Variants in PON2 observed in about 807,000 individuals in gnomAD.
The protein encoded by PON2 is serum paraoxonase/arylesterase 2.
PON2 carries 27 observed loss-of-function variants against 36.6 expected under a neutral mutation model. That is an observed-to-expected ratio of 0.74 (90% confidence interval 0.54 to 1.02). PON2 has a LOEUF of 1.02. Among genes scored for constraint, PON2 ranks in the 50% least tolerant of loss-of-function variants. The pLI is 0.00. For missense variants in PON2, 363 were observed against 421.1 expected, an observed-to-expected ratio of 0.86 and a Z score of 1.21; for synonymous variants, 149 against 156.3, an observed-to-expected ratio of 0.95 and a Z score of 0.35.
In PON2 at chr7:95,434,854, G is replaced by A. The variant is rs189586932; in HGVS notation, c.74+24C>T. The A allele has an allele frequency of 2.9e-3, 4,392 of 1,537,106 alleles. 6 individuals are homozygous for A. The highest frequency in any genetic ancestry group is 3.4e-3 in the Non-Finnish European group (3,859 of 1,144,184). Reference sequence around the variant, plus strand: ...CCCCGAGCCTGGGGACCGCCGAGGAGGGGCGCGCGGGAGTCCCACCTACCT... The same window carrying A: ...CCCCGAGCCTGGGGACCGCCGAGGAAGGGCGCGCGGGAGTCCCACCTACCT... On this transcript the variant is annotated intron_variant, in intron 1 of 8. Coordinates refer to ENST00000222572, the MANE Select transcript of PON2 (RefSeq NM_000305.3).
intron 1 of PON2, among the ~76,000 whole-genome samples, chr7:95,428,591 CA>C (rs1789367502): frequency 6.6e-6 from 1 of 152,116 alleles, no homozygotes; most frequent in African/African-American, 2.4e-5. Flanking sequence ...ATTGCAACTT[CA>C]AAATATCTGC....
intron 3 of PON2, chr7:95,412,704 G>A (rs1269801422): frequency 2.0e-5 from 11 of 542,366 alleles, no homozygotes; most frequent in Non-Finnish European, 3.3e-5. Flanking sequence ...ATTCTCTTCA[G>A]AGAGTAATCA....
At chr7:95,406,047 G>T in intron 8 of PON2, 72 bp downstream of exon 8, 1 of 1,504,356 alleles carries the variant, frequency 6.6e-7, no homozygotes, top group Non-Finnish European at 9.2e-7. Flanking sequence ...AATCATCCCT[G>T]TGACAATTTA....
chr7:95,431,021 G>A (rs1789429273), intron 1 of PON2, among the ~76,000 whole-genome samples: 1 of 152,124 alleles, frequency 6.6e-6, no homozygotes, highest in South Asian at 2.1e-4. Flanking sequence ...GGGTACTCTG[G>A]GGGTTCCTGC....
intron 2 of PON2, chr7:95,418,088 A>G (rs187318513): frequency 6.6e-6 from 1 of 152,250 alleles, no homozygotes; most frequent in East Asian, 1.9e-4. Flanking sequence ...TCTTTGGAAT[A>G]TTTTCCAGAT....
At chr7:95,425,268 C>T (rs1789290361) in intron 1 of PON2, among the ~76,000 whole-genome samples, 1 of 152,156 alleles carries the variant, frequency 6.6e-6, no homozygotes, top group African/African-American at 2.4e-5. Context: ...GGTTGGAGAA[C>T]ACCAACTAGT....
intron 1 of PON2, among the ~76,000 whole-genome samples, chr7:95,431,018 C>G (rs1789429153): frequency 6.6e-6 from 1 of 152,086 alleles, no homozygotes; most frequent in African/African-American, 2.4e-5. Context: ...CATGGGTACT[C>G]TGGGGGTTCC....
At position 95,412,425 on chromosome 7, in the gene PON2, A is replaced by G. The variant is rs750984727; in HGVS notation, c.254T>C (p.Ile85Thr). 3 of 1,614,006 alleles carry G rather than the reference A, an allele frequency of 1.9e-6. No homozygotes were observed. In the Admixed American group the frequency reaches 5.0e-5, roughly 27 times the overall value. The change falls in exon 4 of 9, where the codon ATA becomes ACA. Residue 85 changes from isoleucine (I) to threonine (T), a missense_variant. Physicochemically the swap from Ile to Thr is moderately conservative, Grantham distance 89. Coordinates refer to ENST00000222572, the MANE Select transcript of PON2 (RefSeq NM_000305.3). ...HSFAPDKPGG[I>T]LMMDLKEEKP... ...TTCTTCTTTTAGATCCATCATTAGT[A>G]TTCCTCCAGGCTTATCTGGTGCAAA...
At position 95,416,266 on chromosome 7, in the gene PON2, G is replaced by A; in HGVS notation, c.177C>T (p.Pro59=). The part of the protein sequence containing the change: ...EAGSEDIDIL[P]NGLAFFSVGL... ...CCACACTAAAAAAAGCCAGACCATT[G>A]GGAAGTATGTCAATATCTTCAGAGC... Residue 59 remains proline, a synonymous_variant, in exon 3 of 9, where the codon CCC becomes CCT. Transcript: ENST00000222572. 4 of 1,613,340 alleles carry A rather than the reference G, an allele frequency of 2.5e-6. No individual in the cohort carries two copies. Among genetic ancestry groups the A allele is most frequent in the Non-Finnish European group, 3.4e-6 (4 of 1,179,342 alleles).
chr7:95,406,075 A>G (rs1156951280), intron 8 of PON2, 44 bp downstream of exon 8: 2 of 1,576,072 alleles, frequency 1.3e-6, no homozygotes, highest in African/African-American at 1.4e-5. Context: ...ATTAGTTCAA[A>G]AGGACTTGAA....
In PON2 at chr7:95,405,087, T is replaced by C; in HGVS notation, c.*243A>G. 2.2e-6 allele frequency: 1 copy of C among 458,056 alleles called. No individual in the cohort carries two copies. The highest frequency in any genetic ancestry group is 4.0e-6 in the Non-Finnish European group (1 of 249,584). The allele number at this position is 458,056 out of a possible 1,614,324, so 28.4% of individuals were successfully genotyped here. On this transcript the variant is annotated 3_prime_UTR_variant, in exon 9 of 9. Transcript: ENST00000222572. The stretch of plus-strand genomic sequence containing the variant: ...GGTGAGGCTTACTTTGTGCAAAATG[T>C]ATTCACTTTATTCGAAAGCAGCTTT...
Position 95,409,896 on chromosome 7 carries a change from C to T in PON2, c.695+5G>A, listed in dbSNP as rs746128274. ...AAAATGAAGATATTCTATAAGGGGC[C>T]ATACTTATCATCAGGTGAAATATTG... On this transcript the variant is annotated splice_donor_5th_base_variant and intron_variant, in intron 6 of 8. Transcript: ENST00000222572. 1.2e-6 allele frequency: 2 copies of T among 1,611,240 alleles called. No homozygotes were observed. The highest frequency in any genetic ancestry group is 2.7e-5 in the African/African-American group (2 of 74,796).
At chr7:95,427,255 C>T (rs1224860994) in intron 1 of PON2, among the ~76,000 whole-genome samples, 1 of 152,184 alleles carries the variant, frequency 6.6e-6, no homozygotes, top group Non-Finnish European at 1.5e-5. Context: ...CCTGGCAGAA[C>T]AATCAGTTCC....
intron 1 of PON2, among the ~76,000 whole-genome samples, chr7:95,425,273 A>G (rs1789290529): frequency 6.6e-6 from 1 of 152,202 alleles, no homozygotes; most frequent in Non-Finnish European, 1.5e-5. Flanking sequence ...GAGAACACCA[A>G]CTAGTTCTGT....
chr7:95,412,512 G>C, intron 3 of PON2, 35 bp from the exon 4 acceptor site: 2 of 1,599,500 alleles, frequency 1.3e-6, no homozygotes. Context: ...AAATACAAAA[G>C]CTTAAGTATT....
intron 5 of PON2, 25 bp from the exon 6 acceptor site, chr7:95,410,126 G>C: frequency 1.3e-6 from 2 of 1,586,180 alleles, no homozygotes; most frequent in Non-Finnish European, 1.7e-6. Flanking sequence ...TAGCATGTGA[G>C]AGGAAACAAA....
chr7:95,417,686 CACAG>C (rs1260902433), intron 2 of PON2, among the ~76,000 whole-genome samples: 2 of 140,180 alleles, frequency 1.4e-5, no homozygotes, highest in South Asian at 2.3e-4. Context: ...CACATGTACA[CACAG>C]ACACACACAC....
chr7:95,410,461 T>C (rs552044907), intron 5 of PON2, among the ~76,000 whole-genome samples: 1 of 152,320 alleles, frequency 6.6e-6, no homozygotes, highest in Admixed American at 6.5e-5. Context: ...GAGAGCCTGA[T>C]TGGCTGGTGA....
intron 1 of PON2, 115 bp downstream of exon 1, chr7:95,434,763 G>C: frequency 8.4e-7 from 1 of 1,195,866 alleles, no homozygotes; most frequent in Non-Finnish European, 1.1e-6. Context: ...CTCCACCCCC[G>C]GCCGCAGGGC....
Sources: allele counts gnomAD v4.1 joint callset (sites outside exome capture counted in the v4.1 genomes callset), GRCh38; gene constraint gnomAD v4.1.1; transcripts MANE v1.5; gene names NCBI Gene and HGNC (gene_info 2026-07-23, HGNC 2026-07-21).